The following CSE1L variants were observed in gnomAD, a reference collection of about 807,000 sequenced individuals.
CSE1L encodes chromosome segregation 1 like.
In CSE1L, 24 loss-of-function variants were observed where a neutral mutation model predicts 120.4. The observed-to-expected ratio is 0.20, with a 90% CI of 0.14 to 0.28. The LOEUF (loss-of-function observed/expected upper bound fraction) is 0.28, where lower values mean the gene tolerates loss of function less well. Ranked by LOEUF, CSE1L falls within the 10% of genes least tolerant of loss-of-function variation. The pLI is 1.00. For missense variants in CSE1L, 830 were observed against 1,145.2 expected, an observed-to-expected ratio of 0.72 and a Z score of 3.97; for synonymous variants, 402 against 398.3, an observed-to-expected ratio of 1.01 and a Z score of -0.11.
intron 14 of CSE1L, among the ~76,000 whole-genome samples, chr20:49,080,685 A>T (rs1400104636): frequency 6.6e-6 from 1 of 152,100 alleles, no homozygotes; most frequent in African/African-American, 2.4e-5. Context: ...CATGTTGGTC[A>T]GGCTGGTCTC....
Position 49,092,134 on chromosome 20 carries a change from T to C in CSE1L, c.2447+7T>C. 1 of 1,495,642 alleles carries C rather than the reference T, an allele frequency of 6.7e-7. No individual in the cohort carries two copies. Among genetic ancestry groups the C allele is most frequent in the Non-Finnish European group, 9.1e-7 (1 of 1,093,498 alleles). 92.6% of individuals were successfully genotyped at this position (1,495,642 alleles called of 1,614,324 possible). ...TTGATGGTATACAACCAAAGTAAGT[T>C]TGTTTTTATTATTTTTTAAAGGAAG... On this transcript the variant is annotated splice_region_variant and intron_variant, in intron 22 of 24. Coordinates refer to ENST00000262982, the MANE Select transcript of CSE1L (RefSeq NM_001316.4).
chr20:49,054,481 A>ACC (rs2091791412), intron 1 of CSE1L, among the ~76,000 whole-genome samples: 1 of 152,200 alleles, frequency 6.6e-6, no homozygotes, highest in Non-Finnish European at 1.5e-5. Flanking sequence ...AGCCTTGGGT[A>ACC]ATAGAAAGAG....
intron 10 of CSE1L, among the ~76,000 whole-genome samples, chr20:49,074,176 A>AGTGTGTGTGTGTGT (rs71184254): frequency 6.6e-4 from 76 of 115,456 alleles, no homozygotes; most frequent in East Asian, 1.6e-3. Flanking sequence ...ATACAACTGC[A>AGTGTGTGTGTGTGT]GTGTGTGTGT....
At chr20:49,081,057 C>T (rs963964473) in intron 14 of CSE1L, among the ~76,000 whole-genome samples, 2 of 147,516 alleles carry the variant, frequency 1.4e-5, no homozygotes, top group African/African-American at 5.0e-5. Flanking sequence ...GATCTCGGCT[C>T]ACTGCAGCCT....
At chr20:49,069,348 T>C (rs1333466793) in intron 7 of CSE1L, among the ~76,000 whole-genome samples, 1 of 152,226 alleles carries the variant, frequency 6.6e-6, no homozygotes, top group Non-Finnish European at 1.5e-5. Flanking sequence ...ACCCTGTTGC[T>C]ACTGAGATAG....
rs780956669 is a variant in CSE1L, at chr20:49,075,453, A to G, written c.1268A>G (p.Asn423Ser). Residue 423 changes from asparagine to serine, a missense_variant, in exon 12 of 25, where the codon AAC (asparagine) becomes AGC (serine). This residue lies in a region of CSE1L where 543 missense variants were observed against 640.2 expected (regional missense o/e 0.85). Transcript: ENST00000262982. ...GAATACGCAAAAAATCCATCTGTCA[A>G]CTGGAAACACAAAGATGCAGCCATC... ...LQEYAKNPSV[N>S]WKHKDAAIYL... is the part of the protein sequence containing the mutation. The G allele has an allele frequency of 1.9e-6, 3 of 1,614,184 alleles. No individual in the cohort carries two copies. In the South Asian group the frequency reaches 3.3e-5, roughly 18 times the overall value.
At chr20:49,095,533 T>G in intron 24 of CSE1L, among the ~76,000 whole-genome samples, 1 of 152,080 alleles carries the variant, frequency 6.6e-6, no homozygotes, top group Non-Finnish European at 1.5e-5. Context: ...CAGGTTGGTC[T>G]CAACCTCCTG....
intron 8 of CSE1L, among the ~76,000 whole-genome samples, chr20:49,071,486 G>A (rs2091931126): frequency 6.6e-6 from 1 of 152,150 alleles, no homozygotes; most frequent in Non-Finnish European, 1.5e-5. Context: ...TTTGGTTTTT[G>A]TTCTTACTCT....
At chr20:49,094,664 C>A in intron 23 of CSE1L, 68 bp from the exon 24 acceptor site, 2 of 1,047,730 alleles carry the variant, frequency 1.9e-6, no homozygotes. Flanking sequence ...TGTCTCTGAG[C>A]AATTGCTGGT....
intron 5 of CSE1L, 152 bp downstream of exon 5, chr20:49,066,662 A>G: frequency 4.3e-6 from 3 of 696,918 alleles, no homozygotes; most frequent in Non-Finnish European, 7.1e-6. Flanking sequence ...GTTTCTTCTC[A>G]ACTAGGATGT....
At chr20:49,094,652 T>A in intron 23 of CSE1L, 80 bp from the exon 24 acceptor site, 4 of 923,714 alleles carry the variant, frequency 4.3e-6, no homozygotes, top group Non-Finnish European at 6.9e-6. Flanking sequence ...TCTGTAATTT[T>A]GTGTCTCTGA....
chr20:49,091,659 G>T (rs1184171953), intron 21 of CSE1L, among the ~76,000 whole-genome samples: 1 of 152,130 alleles, frequency 6.6e-6, no homozygotes, highest in Non-Finnish European at 1.5e-5. Flanking sequence ...GGAAGTTAAG[G>T]CTGCGTGAGC....
At chr20:49,067,069 A>C in intron 5 of CSE1L, 121 bp from the exon 6 acceptor site, 1 of 388,186 alleles carries the variant, frequency 2.6e-6, no homozygotes, top group Non-Finnish European at 4.8e-6. Flanking sequence ...ATTCCCTTTG[A>C]ATTTCGGAAT....
intron 8 of CSE1L, among the ~76,000 whole-genome samples, chr20:49,071,610 A>G (rs967116406): frequency 6.6e-6 from 1 of 152,024 alleles, no homozygotes; most frequent in Non-Finnish European, 1.5e-5. Context: ...TCAGCCTCCC[A>G]AGTAGCAGGG....
chr20:49,056,384 G>A (rs1279438049), intron 1 of CSE1L, among the ~76,000 whole-genome samples: 1 of 152,142 alleles, frequency 6.6e-6, no homozygotes, highest in African/African-American at 2.4e-5. Flanking sequence ...GATTACAGGC[G>A]TGAGCAACCG....
rs192044765 is a variant in CSE1L at position 49,083,174 on chromosome 20, G to A, written c.1483-852G>A. ...CGAGTAGCTGGGACTACAGGCGCAT[G>A]CCACCACGTCTGGCTAATTTTTTGT... On this transcript the variant is annotated intron_variant, in intron 14 of 24. Transcript: ENST00000262982. 2.3e-3 allele frequency among the ~76,000 whole-genome samples: 355 copies of A among 152,042 alleles called. 3 individuals are homozygous for A. Among genetic ancestry groups the A allele is most frequent in the African/African-American group, 8.2e-3 (338 of 41,468 alleles).
chr20:49,048,138 G>GTC (rs947757587), intron 1 of CSE1L, among the ~76,000 whole-genome samples: 1 of 145,492 alleles, frequency 6.9e-6, no homozygotes, highest in East Asian at 2.0e-4. Flanking sequence ...CTCTGTGTGT[G>GTC]TCTCTCTCTT....
In CSE1L at chr20:49,060,514, G is replaced by A. The variant is rs561727051; in HGVS notation, c.85+1966G>A. Among the ~76,000 whole-genome samples the A allele has an allele frequency of 1.1e-3, 171 of 151,476 alleles. 1 individual carries two copies. The highest frequency in any genetic ancestry group is 1.9e-3 in the Non-Finnish European group (131 of 67,854). ...AAATTGGACAGGCACATTTGCTCAC[G>A]CCTGTAATCCCAGCACTTTGGGAAG... is the stretch of plus-strand genomic sequence containing the variant. On this transcript the variant is annotated intron_variant, in intron 2 of 24. Transcript: ENST00000262982.
At chr20:49,048,138 GTC>G (rs947757587) in intron 1 of CSE1L, among the ~76,000 whole-genome samples, 4 of 145,428 alleles carry the variant, frequency 2.8e-5, no homozygotes, top group Admixed American at 6.9e-5. Context: ...CTCTGTGTGT[GTC>G]TCTCTCTTTT....
Sources: allele counts gnomAD v4.1 joint callset (sites outside exome capture counted in the v4.1 genomes callset), GRCh38; gene constraint gnomAD v4.1.1; regional missense constraint gnomAD v4.1.1; transcripts MANE v1.5; gene names NCBI Gene and HGNC (gene_info 2026-07-23, HGNC 2026-07-21).